Variants in OXTR observed in about 807,000 individuals in gnomAD.
OXTR encodes oxytocin receptor.
OXTR carries 19 observed loss-of-function variants against 23.9 expected under a neutral mutation model. That is an observed-to-expected ratio of 0.80 (90% CI 0.56 to 1.17). The LOEUF (loss-of-function observed/expected upper bound fraction) is 1.17, where lower values mean the gene tolerates loss of function less well. OXTR is among the 50% of genes most tolerant of loss of function. The pLI is 0.00. For synonymous variants in OXTR, 278 were observed against 250.5 expected, an observed-to-expected ratio of 1.11 and a Z score of -1.04; for missense variants, 500 against 550.7, an observed-to-expected ratio of 0.91 and a Z score of 0.92.
At chr3:8,745,094 C>T in the OXTR span, 1 of 175,240 alleles carries the variant, frequency 5.7e-6, no homozygotes, top group Non-Finnish European at 1.2e-5. This position sits in a 1 kb window ranked among gnomAD's most constrained non-coding sequence, Gnocchi z 4.8. Context: ...AGAGGCAGAT[C>T]CCTCGTGGCT....
chr3:8,745,953 G>A (rs1052106103), downstream of OXTR: 99 of 1,112,056 alleles, frequency 8.9e-5, no homozygotes, highest in Admixed American at 9.6e-5. This position sits in a 1 kb window ranked among gnomAD's most constrained non-coding sequence, Gnocchi z 4.8. Context: ...GGCTGCTGGC[G>A]AGCTCTTTCT....
chr3:8,745,559 G>A, downstream of OXTR: 1 of 1,614,098 alleles, frequency 6.2e-7, no homozygotes, highest in Non-Finnish European at 8.5e-7. This position sits in a 1 kb window ranked among gnomAD's most constrained non-coding sequence, Gnocchi z 4.8. Context: ...AGAGCCTGTG[G>A]GCACCTACAG....
At chr3:8,758,712 C>T (rs2268491) in intron 3 of OXTR, among the ~76,000 whole-genome samples, 24,946 of 152,092 alleles carry the variant, frequency 0.16, 2,404 homozygotes, top group East Asian at 0.31. Flanking sequence ...AAGAGCCAAA[C>T]GGGCGGGCTA....
At chr3:8,741,760 AC>A in the OXTR span, among the ~76,000 whole-genome samples, 25 of 151,850 alleles carry the variant, frequency 1.6e-4, no homozygotes, top group South Asian at 5.0e-3. Context: ...GGTATTTTCG[AC>A]CCCGGGTGAC....
chr3:8,744,488 G>A, the OXTR span, among the ~76,000 whole-genome samples: 1 of 141,806 alleles, frequency 7.1e-6, no homozygotes, highest in East Asian at 2.0e-4. Context: ...AGTAGAGACA[G>A]GGTTTCACTG....
intron 3 of OXTR, among the ~76,000 whole-genome samples, chr3:8,756,551 G>A (rs1414102750): frequency 6.6e-6 from 1 of 152,168 alleles, no homozygotes; most frequent in Non-Finnish European, 1.5e-5. Flanking sequence ...TGATTTGAGG[G>A]ACAGAGAGCA....
intron 3 of OXTR, among the ~76,000 whole-genome samples, chr3:8,763,159 C>A (rs1036748918): frequency 1.3e-5 from 2 of 152,194 alleles, no homozygotes; most frequent in Admixed American, 6.5e-5. Flanking sequence ...ACAAGCTTCT[C>A]TCCCACCTCC....
chr3:8,750,870 C>T lies in OXTR; in HGVS notation c.*2107G>A, dbSNP rs961006110. The stretch of plus-strand genomic sequence containing the variant: ...GTGTACAAGTTTTTGTGTGTATGTA[C>T]GTTTTCATTTCTCTTGGGTAAATAC... On this transcript the variant is annotated 3_prime_UTR_variant, in exon 4 of 4. Coordinates refer to ENST00000316793, the MANE Select transcript of OXTR (RefSeq NM_000916.4). 5.9e-5 allele frequency: 9 copies of T among 152,092 alleles called. No individual in the cohort carries two copies. Among genetic ancestry groups the T allele is most frequent in the African/African-American group, 1.9e-4 (8 of 41,406 alleles). The allele number at this position is 152,092 out of a possible 1,614,324, so 9.4% of individuals were successfully genotyped here.
intron 3 of OXTR, among the ~76,000 whole-genome samples, chr3:8,758,172 G>T (rs1708414737): frequency 1.3e-5 from 2 of 152,040 alleles, no homozygotes; most frequent in South Asian, 4.2e-4. Flanking sequence ...AGGGGTGGGA[G>T]GCAGAGGTCC....
downstream of OXTR, chr3:8,746,179 G>A (rs567125845): frequency 2.8e-5 from 8 of 281,274 alleles, no homozygotes; most frequent in African/African-American, 4.2e-5. Flanking sequence ...ACCAGCACGC[G>A]GTTCCCACCC....
At chr3:8,763,068 G>A (rs1326232418) in intron 3 of OXTR, among the ~76,000 whole-genome samples, 2 of 152,144 alleles carry the variant, frequency 1.3e-5, no homozygotes, top group African/African-American at 4.8e-5. Context: ...CCCACACATT[G>A]GACTTGGGCT....
intron 3 of OXTR, among the ~76,000 whole-genome samples, chr3:8,761,336 T>G (rs1708481315): frequency 1.3e-5 from 2 of 152,030 alleles, no homozygotes; most frequent in African/African-American, 4.8e-5. Flanking sequence ...TCGGTGTGTG[T>G]GTGTGTAGGT....
intron 3 of OXTR, among the ~76,000 whole-genome samples, chr3:8,761,946 G>A (rs1708495002): frequency 6.6e-6 from 1 of 152,202 alleles, no homozygotes; most frequent in Admixed American, 6.5e-5. Context: ...ACTGTCTCCT[G>A]GGGCTGGGGG....
At chr3:8,757,329 GA>G (rs34474424) in intron 3 of OXTR, among the ~76,000 whole-genome samples, 11,415 of 148,444 alleles carry the variant, frequency 0.077, 562 homozygotes, top group Non-Finnish European at 0.12. Flanking sequence ...TGTGAGGTAT[GA>G]CCAACTATAG....
Position 8,767,483 on chromosome 3 carries a change from G to C in OXTR, c.705C>G (p.Thr235=), listed in dbSNP as rs765500112. ...FKIWQNLRLK[T]AAAAAAEAPE... is the part of the protein sequence containing the mutation. Reference sequence around the variant, plus strand: ...GCGCCTCGGCCGCCGCCGCTGCAGCGGTCTTGAGCCGCAAGTTCTGCCAGA... The same window carrying C: ...GCGCCTCGGCCGCCGCCGCTGCAGCCGTCTTGAGCCGCAAGTTCTGCCAGA... The change falls in exon 3 of 4, where the codon ACC becomes ACG. Residue 235 remains threonine, a synonymous_variant. Transcript: ENST00000316793. 19 of 1,607,234 alleles carry C rather than the reference G, an allele frequency of 1.2e-5. No homozygotes were observed. The Admixed American group carries it at 2.7e-4, about 23-fold the overall frequency.
intron 3 of OXTR, among the ~76,000 whole-genome samples, chr3:8,762,782 C>G (rs1314546592): frequency 1.3e-5 from 2 of 152,250 alleles, no homozygotes; most frequent in Non-Finnish European, 2.9e-5. Flanking sequence ...AGCCTTCCTC[C>G]CAGTCCAACG....
chr3:8,768,122 C>T lies in OXTR; in HGVS notation c.66G>A (p.Gly22=). 1 of 1,363,544 alleles carries T rather than the reference C, an allele frequency of 7.3e-7. No homozygotes were observed. 84.5% of individuals were successfully genotyped at this position (1,363,544 alleles called of 1,614,324 possible). Residue 22 remains glycine, a synonymous_variant, in exon 3 of 4, where the codon GGG becomes GGA. Transcript: ENST00000316793. The surrounding 1 kb of genome is among the most constrained non-coding windows in gnomAD (Gnocchi z 5.4). ...GTCCGGCGGTGCGGTTGCCCTCGGC[C>T]CCCGGCGGCGCGGCGCTGGCGTTGG... ...EAANASAAPP[G]AEGNRTAGPP... is the part of the protein sequence containing the mutation.
At chr3:8,743,280 A>T in the OXTR span, among the ~76,000 whole-genome samples, 1 of 152,170 alleles carries the variant, frequency 6.6e-6, no homozygotes, top group Non-Finnish European at 1.5e-5. Flanking sequence ...ACATGAAAGA[A>T]AAATGATCTC....
At chr3:8,766,670 C>CTG (rs1015136231) in intron 3 of OXTR, among the ~76,000 whole-genome samples, 2 of 152,146 alleles carry the variant, frequency 1.3e-5, no homozygotes, top group Admixed American at 1.3e-4. Context: ...AGGGATTTGT[C>CTG]TTCACCTCTC....
Sources: gnomAD v4.1 joint callset for allele counts (sites outside exome capture counted in the v4.1 genomes callset) on GRCh38, gnomAD v4.1.1 for gene constraint, Gnocchi (gnomAD v3.1) non-coding constraint, MANE v1.5 for transcripts, NCBI Gene and HGNC (gene_info 2026-07-23, HGNC 2026-07-21) for gene names.